PHF20: variants seen among roughly 807,000 people sequenced by gnomAD.
PHF20 encodes glioma-expressed antigen 2.
A neutral mutation model predicts 113.5 loss-of-function variants in PHF20; 23 were observed. That is an observed-to-expected ratio of 0.20 (90% CI 0.15 to 0.29). The LOEUF (loss-of-function observed/expected upper bound fraction) is 0.29, where lower values mean the gene tolerates loss of function less well. Among genes scored for constraint, PHF20 ranks in the 10% least tolerant of loss-of-function variants. The pLI, the probability that PHF20 is intolerant of heterozygous loss-of-function variation, is 1.00. For synonymous variants in PHF20, 434 were observed against 457.3 expected (o/e 0.95, Z 0.65); for missense variants, 943 against 1,219.6 (o/e 0.77, Z 3.38).
intron 4 of PHF20, among the ~76,000 whole-genome samples, chr20:35,850,291 C>T (rs893009743): frequency 8.1e-6 from 1 of 124,186 alleles, no homozygotes; most frequent in East Asian, 2.2e-4. Flanking sequence ...TTAGCTTCCC[C>T]CTCCGTTTTT....
intron 9 of PHF20, among the ~76,000 whole-genome samples, chr20:35,897,668 G>A (rs1355799046): frequency 6.8e-6 from 1 of 146,822 alleles, no homozygotes; most frequent in African/African-American, 2.5e-5. Flanking sequence ...CTGGGTTCAA[G>A]CCATTCTCCT....
At chr20:35,819,648 C>CTGTGTGTGTG (rs57252834) in intron 2 of PHF20, among the ~76,000 whole-genome samples, 1 of 147,980 alleles carries the variant, frequency 6.8e-6, no homozygotes, top group Non-Finnish European at 1.5e-5. Context: ...CTTACACCAT[C>CTGTGTGTGTG]TGTGTGTGTG....
At chr20:35,802,735 C>A (rs1454324424) in intron 2 of PHF20, among the ~76,000 whole-genome samples, 1 of 149,590 alleles carries the variant, frequency 6.7e-6, no homozygotes, top group Non-Finnish European at 1.5e-5. Flanking sequence ...GTCTGGAGTT[C>A]GAGACCAGCC....
At chr20:35,859,353 T>G (rs889471932) in intron 5 of PHF20, among the ~76,000 whole-genome samples, 4 of 152,162 alleles carry the variant, frequency 2.6e-5, no homozygotes, top group Non-Finnish European at 5.9e-5. Flanking sequence ...GAGGGGAAAA[T>G]AGAGATCAAA....
intron 15 of PHF20, among the ~76,000 whole-genome samples, chr20:35,937,879 TG>T (rs1201746323): frequency 6.6e-6 from 1 of 152,230 alleles, no homozygotes; most frequent in African/African-American, 2.4e-5. Context: ...TGTTTTGTTT[TG>T]TTTTGTTTTT....
At position 35,938,690 on chromosome 20, in the gene PHF20, T is replaced by G; in HGVS notation, c.2301-7T>G. The G allele has an allele frequency of 6.3e-7, 1 of 1,595,198 alleles. No individual in the cohort carries two copies. The highest frequency in any genetic ancestry group is 8.5e-7 in the Non-Finnish European group (1 of 1,171,618). ...CAAAGCCCATGTCCTCTTTGTCCTC[T>G]CAACAGAAGCCGGGAGCATCCTGAT... On this transcript the variant is annotated splice_polypyrimidine_tract_variant and splice_region_variant and intron_variant, in intron 15 of 17. Coordinates refer to ENST00000374012, the MANE Select transcript of PHF20 (RefSeq NM_016436.5).
At chr20:35,813,929 C>T (rs1295404730) in intron 2 of PHF20, among the ~76,000 whole-genome samples, 4 of 91,648 alleles carry the variant, frequency 4.4e-5, no homozygotes, top group Non-Finnish European at 7.5e-5. Context: ...GAGACTCCGT[C>T]TCAGAAAAAA....
chr20:35,899,729 A>G, intron 10 of PHF20, 81 bp downstream of exon 10: 1 of 1,434,580 alleles, frequency 7.0e-7, no homozygotes, highest in Non-Finnish European at 9.6e-7. Context: ...CACACAAAGC[A>G]GGCATTAGGT....
intron 5 of PHF20, among the ~76,000 whole-genome samples, chr20:35,858,657 A>G (rs2146964773): frequency 6.6e-6 from 1 of 152,080 alleles, no homozygotes; most frequent in East Asian, 1.9e-4. Flanking sequence ...TGCAACCTCT[A>G]CCTCCTGGGT....
intron 2 of PHF20, among the ~76,000 whole-genome samples, chr20:35,804,502 C>T (rs567004668): frequency 6.6e-6 from 1 of 152,148 alleles, no homozygotes; most frequent in South Asian, 2.1e-4. Flanking sequence ...TCCCAAAGTG[C>T]TGGGATTACA....
chr20:35,886,985 A>G (rs2054746053), intron 9 of PHF20, among the ~76,000 whole-genome samples: 1 of 152,238 alleles, frequency 6.6e-6, no homozygotes, highest in Non-Finnish European at 1.5e-5. Context: ...CTTGAATGCC[A>G]GACTGAGCAT....
intron 2 of PHF20, among the ~76,000 whole-genome samples, chr20:35,808,596 C>T (rs1035909531): frequency 4.0e-5 from 6 of 151,546 alleles, no homozygotes; most frequent in Admixed American, 6.6e-5. Flanking sequence ...TTTTTTGAGA[C>T]GGAGTCTCGC....
intron 2 of PHF20, among the ~76,000 whole-genome samples, chr20:35,813,864 C>T (rs1167121117): frequency 2.0e-5 from 3 of 147,220 alleles, no homozygotes; most frequent in South Asian, 2.1e-4. Context: ...CATTGCACTC[C>T]AGCCTGTGTG....
intron 16 of PHF20, among the ~76,000 whole-genome samples, chr20:35,940,595 C>T (rs1458116906): frequency 6.6e-6 from 1 of 152,196 alleles, no homozygotes; most frequent in East Asian, 1.9e-4. Flanking sequence ...GGAAGCCATT[C>T]TGTGAGGCTT....
chr20:35,806,333 G>T (rs1183101781), intron 2 of PHF20, among the ~76,000 whole-genome samples: 1 of 150,886 alleles, frequency 6.6e-6, no homozygotes, highest in East Asian at 1.9e-4. Flanking sequence ...CTAATTTTTT[G>T]TATTTTTAGT....
chr20:35,810,450 C>G (rs886258502), intron 2 of PHF20, among the ~76,000 whole-genome samples: 1 of 152,098 alleles, frequency 6.6e-6, no homozygotes, highest in African/African-American at 2.4e-5. Context: ...ATGCACAAAC[C>G]AATCAGCATA....
intron 16 of PHF20, among the ~76,000 whole-genome samples, chr20:35,940,295 G>A (rs1192770356): frequency 6.6e-6 from 1 of 151,996 alleles, no homozygotes; most frequent in African/African-American, 2.4e-5. Flanking sequence ...GGAAATACTG[G>A]GCCTCAGCAA....
rs398061407 is a variant in PHF20, at chr20:35,845,780, C to CTT, written c.256-1554_256-1553dup. ...TCAGCCCTGCCTTCTATTTTTCTTT[C>CTT]TTTTTTTTTTTTTTTTTGAGGCAGT... On this transcript the variant is annotated intron_variant, in intron 3 of 17. Transcript: ENST00000374012. Among the ~76,000 whole-genome samples, 952 of 135,240 alleles carry CTT rather than the reference C, an allele frequency of 7.0e-3. 12 individuals are homozygous for CTT. Among genetic ancestry groups the CTT allele is most frequent in the African/African-American group, 0.023 (827 of 36,704 alleles). 88.7% of individuals were successfully genotyped at this position (135,240 alleles called of 152,430 possible). A position where few individuals can be genotyped will look rare whatever the true frequency, so the allele number is the denominator to read the frequency against.
intron 1 of PHF20, among the ~76,000 whole-genome samples, chr20:35,773,972 A>G (rs2041118613): frequency 6.6e-6 from 1 of 151,838 alleles, no homozygotes; most frequent in Non-Finnish European, 1.5e-5. Flanking sequence ...ACTATCTTTT[A>G]TGAAGAAAAG....
Sources: gnomAD v4.1 joint callset for allele counts (sites outside exome capture counted in the v4.1 genomes callset) on GRCh38, gnomAD v4.1.1 for gene constraint, MANE v1.5 for transcripts, NCBI Gene and HGNC (gene_info 2026-07-23, HGNC 2026-07-21) for gene names.